NELL1: variants seen among roughly 807,000 people sequenced by gnomAD.
NELL1 encodes protein kinase C-binding protein NELL1.
In NELL1, 76 loss-of-function variants were observed where a neutral mutation model predicts 107.4. That is an observed-to-expected ratio of 0.71 (90% CI 0.59 to 0.86). The LOEUF (loss-of-function observed/expected upper bound fraction) is 0.86, where lower values mean the gene tolerates loss of function less well. NELL1 is among the 40% of genes least tolerant of loss of function. The pLI, the probability that NELL1 is intolerant of heterozygous loss-of-function variation, is 0.00. For missense variants in NELL1, 1,024 were observed against 1,005.5 expected, an observed-to-expected ratio of 1.02 and a Z score of -0.25; for synonymous variants, 353 against 341.2, an observed-to-expected ratio of 1.03 and a Z score of -0.38.
chr11:21,259,934 G>C (rs943408641), intron 14 of NELL1: 3 of 151,718 alleles, frequency 2.0e-5, no homozygotes, highest in Admixed American at 2.0e-4. Flanking sequence ...TGTGATTTAT[G>C]TACACTCAAA....
At chr11:20,792,600 G>C (rs1300309754) in intron 3 of NELL1, among the ~76,000 whole-genome samples, 1 of 151,776 alleles carries the variant, frequency 6.6e-6, no homozygotes, top group Non-Finnish European at 1.5e-5. Flanking sequence ...TATCTTTTCA[G>C]TGTGCATTTT....
chr11:20,841,783 T>A (rs1244163571), intron 3 of NELL1, among the ~76,000 whole-genome samples: 1 of 152,144 alleles, frequency 6.6e-6, no homozygotes, highest in Non-Finnish European at 1.5e-5. Flanking sequence ...TGAGGAATCC[T>A]AGGGCTTTGC....
At position 20,918,265 on chromosome 11, in the gene NELL1, A is replaced by T. The variant is rs1012901996; in HGVS notation, c.676+11A>T. 1 of 1,466,088 alleles carries T rather than the reference A, an allele frequency of 6.8e-7. No individual in the cohort carries two copies. The allele number at this position is 1,466,088 out of a possible 1,614,324, so 90.8% of individuals were successfully genotyped here. On this transcript the variant is annotated intron_variant, in intron 6 of 19. Coordinates refer to ENST00000357134, the MANE Select transcript of NELL1 (RefSeq NM_006157.5). ...CAAATCTAAATCACAGTAAGTAGCA[A>T]CTTAAAGCATTGTGATATATTATAT...
At chr11:21,271,701 T>C (rs1452995407) in intron 14 of NELL1, among the ~76,000 whole-genome samples, 2 of 152,156 alleles carry the variant, frequency 1.3e-5, no homozygotes, top group Non-Finnish European at 2.9e-5. Context: ...GTATTTCTCA[T>C]GAACATAGAT....
intron 15 of NELL1, among the ~76,000 whole-genome samples, chr11:21,408,626 A>G (rs1299574987): frequency 6.6e-6 from 1 of 151,808 alleles, no homozygotes; most frequent in Non-Finnish European, 1.5e-5. Context: ...TTGCCTGTTC[A>G]CTCTGATGGT....
At chr11:21,271,541 A>G (rs563753412) in intron 14 of NELL1, among the ~76,000 whole-genome samples, 1 of 152,336 alleles carries the variant, frequency 6.6e-6, no homozygotes, top group Non-Finnish European at 1.5e-5. Context: ...GAATTCTACC[A>G]AACATTTATG....
chr11:21,282,018 G>C (rs1382544733), intron 14 of NELL1, among the ~76,000 whole-genome samples: 2 of 152,066 alleles, frequency 1.3e-5, no homozygotes, highest in South Asian at 2.1e-4. Context: ...AAGTTAAAAA[G>C]CTTCTTCACA....
At chr11:21,529,581 A>T (rs1159756469) in intron 15 of NELL1, among the ~76,000 whole-genome samples, 1 of 152,188 alleles carries the variant, frequency 6.6e-6, no homozygotes, top group East Asian at 1.9e-4. Context: ...CTAAATCTTT[A>T]TGAGGCATGT....
intron 15 of NELL1, among the ~76,000 whole-genome samples, chr11:21,419,103 T>C (rs113068467): frequency 0.022 from 3,376 of 152,180 alleles, 128 homozygotes; most frequent in African/African-American, 0.075. Flanking sequence ...AAGAAGAAAA[T>C]TGGGGGCTGT....
At chr11:20,720,255 G>A (rs769952414) in intron 2 of NELL1, among the ~76,000 whole-genome samples, 3 of 150,640 alleles carry the variant, frequency 2.0e-5, no homozygotes, top group South Asian at 2.1e-4. Flanking sequence ...CCAGGCTGGA[G>A]TGAGTGCAGT....
At chr11:20,767,705 C>A (rs1355081329) in intron 2 of NELL1, among the ~76,000 whole-genome samples, 1 of 150,958 alleles carries the variant, frequency 6.6e-6, no homozygotes, top group Non-Finnish European at 1.5e-5. Context: ...GAAGAGGGAA[C>A]CAGCAATATA....
intron 13 of NELL1, among the ~76,000 whole-genome samples, chr11:21,177,144 A>G (rs1436883545): frequency 1.3e-5 from 2 of 151,844 alleles, no homozygotes; most frequent in Non-Finnish European, 2.9e-5. Flanking sequence ...TGAGGAATTT[A>G]GAAATACACA....
Position 21,261,081 on chromosome 11 carries a change from C to G in NELL1, c.1549+31627C>G, listed in dbSNP as rs576737275. 5.3e-5 allele frequency among the ~76,000 whole-genome samples: 8 copies of G among 151,780 alleles called. No individual in the cohort carries two copies. In the East Asian group the frequency reaches 1.2e-3, roughly 22 times the overall value. On this transcript the variant is annotated intron_variant, in intron 14 of 19. Coordinates refer to ENST00000357134, the MANE Select transcript of NELL1 (RefSeq NM_006157.5). Reference sequence around the variant, plus strand: ...ACTGTATTCAGTTATCAAAGGGTTGCTTAATAAATCATTGCTACTTAGAAT... The same window carrying G: ...ACTGTATTCAGTTATCAAAGGGTTGGTTAATAAATCATTGCTACTTAGAAT...
intron 13 of NELL1, among the ~76,000 whole-genome samples, chr11:21,148,257 A>G (rs563616944): frequency 1.3e-5 from 2 of 152,338 alleles, no homozygotes; most frequent in African/African-American, 4.8e-5. Context: ...GGCATATTCA[A>G]TATTTGGTTG....
intron 2 of NELL1, 117 bp downstream of exon 2, chr11:20,678,177 C>T (rs1482550555): frequency 3.3e-6 from 4 of 1,195,640 alleles, no homozygotes; most frequent in Non-Finnish European, 4.9e-6. Flanking sequence ...TCTTGTGTTG[C>T]TGTCTTGAGT....
chr11:20,991,031 C>T (rs1268141659), intron 12 of NELL1, among the ~76,000 whole-genome samples: 3 of 152,176 alleles, frequency 2.0e-5, no homozygotes, highest in Non-Finnish European at 2.9e-5. Flanking sequence ...CTGGTGTTTG[C>T]CCAACAGGTC....
At chr11:21,434,652 C>T (rs1167558180) in intron 15 of NELL1, among the ~76,000 whole-genome samples, 2 of 152,064 alleles carry the variant, frequency 1.3e-5, no homozygotes, top group Non-Finnish European at 2.9e-5. Context: ...TCTTTTTGCT[C>T]AGCATTGCTT....
At chr11:21,004,278 A>G (rs1852284201) in intron 12 of NELL1, among the ~76,000 whole-genome samples, 1 of 152,182 alleles carries the variant, frequency 6.6e-6, no homozygotes, top group South Asian at 2.1e-4. Flanking sequence ...AAAATGCAGT[A>G]ATTGAAGTGG....
intron 1 of NELL1, among the ~76,000 whole-genome samples, chr11:20,672,614 A>C (rs549647801): frequency 6.6e-6 from 1 of 152,342 alleles, no homozygotes; most frequent in South Asian, 2.1e-4. Flanking sequence ...ATTTTCAGGT[A>C]CATCACTAAT....
Sources: gnomAD v4.1 joint callset for allele counts (sites outside exome capture counted in the v4.1 genomes callset) on GRCh38, gnomAD v4.1.1 for gene constraint, MANE v1.5 for transcripts, NCBI Gene and HGNC (gene_info 2026-07-23, HGNC 2026-07-21) for gene names.